SRGAP2C: variants seen among roughly 807,000 people sequenced by gnomAD.
The protein encoded by SRGAP2C is SLIT-ROBO Rho GTPase-activating protein 2C.
SRGAP2C carries 15 observed loss-of-function variants against 25.1 expected under a neutral mutation model. The observed-to-expected ratio is 0.60, with a 90% CI of 0.40 to 0.92. The LOEUF (loss-of-function observed/expected upper bound fraction) is 0.92. Among genes scored for constraint, SRGAP2C ranks in the 40% least tolerant of loss-of-function variants. The pLI is 0.00. For missense variants in SRGAP2C, 144 were observed against 264.4 expected (o/e 0.54, Z 3.16); for synonymous variants, 44 against 96.6 (o/e 0.46, Z 3.19).
chr1:121,208,031 C>T (rs1220050876), intron 2 of SRGAP2C, among the ~76,000 whole-genome samples: 1 of 151,280 alleles, frequency 6.6e-6, no homozygotes, highest in East Asian at 1.9e-4. Context: ...CTCTCCTGGC[C>T]TCAAGCCTCT....
At chr1:121,379,073 A>G (rs587604991) in intron 7 of SRGAP2C, among the ~76,000 whole-genome samples, 17 of 152,354 alleles carry the variant, frequency 1.1e-4, no homozygotes, top group Admixed American at 2.6e-4. Context: ...GTCCTCATGC[A>G]TAGCTGGAGT....
At chr1:121,346,998 C>CG (rs1658762302) in intron 4 of SRGAP2C, among the ~76,000 whole-genome samples, 1 of 151,906 alleles carries the variant, frequency 6.6e-6, no homozygotes, top group Non-Finnish European at 1.5e-5. Context: ...AACTCAGGGC[C>CG]GGGGTAGGGG....
At chr1:121,304,087 T>TGTG (rs1657764625) in intron 3 of SRGAP2C, among the ~76,000 whole-genome samples, 2 of 151,278 alleles carry the variant, frequency 1.3e-5, no homozygotes, top group East Asian at 3.9e-4. Context: ...GGCAGGCACA[T>TGTG]GTGGTCCCAG....
intron 3 of SRGAP2C, chr1:121,315,184 C>A: frequency 2.5e-6 from 1 of 396,496 alleles, no homozygotes; most frequent in Non-Finnish European, 4.8e-6. Flanking sequence ...CCTATGTTAC[C>A]CAGGCTGGTC....
At chr1:121,345,715 G>A (rs1458904444) in intron 4 of SRGAP2C, among the ~76,000 whole-genome samples, 10 of 141,254 alleles carry the variant, frequency 7.1e-5, no homozygotes, top group South Asian at 2.3e-4. Flanking sequence ...TGCAGTGCGC[G>A]ATCTTGACTC....
intron 2 of SRGAP2C, among the ~76,000 whole-genome samples, chr1:121,254,855 C>A (rs1553332096): frequency 1.3e-5 from 2 of 151,722 alleles, no homozygotes; most frequent in Admixed American, 1.3e-4. Flanking sequence ...TCTTTCCTCC[C>A]TAGGCCTGGT....
chr1:121,227,843 T>C (rs1220591448), intron 2 of SRGAP2C, among the ~76,000 whole-genome samples: 14 of 150,886 alleles, frequency 9.3e-5, no homozygotes, highest in African/African-American at 2.5e-5. Flanking sequence ...CCAAGTGATA[T>C]ATCTGAGCTG....
At chr1:121,379,147 A>G (rs1218611261) in intron 7 of SRGAP2C, among the ~76,000 whole-genome samples, 1 of 152,224 alleles carries the variant, frequency 6.6e-6, no homozygotes, top group Non-Finnish European at 1.5e-5. Context: ...GTCGGACATG[A>G]GGGAACTTGG....
intron 7 of SRGAP2C, among the ~76,000 whole-genome samples, chr1:121,378,551 GTCTT>G (rs1659729187): frequency 6.6e-6 from 1 of 150,426 alleles, no homozygotes; most frequent in Non-Finnish European, 1.5e-5. Context: ...TATCGGTAGT[GTCTT>G]TCTTTTTCTT....
intron 4 of SRGAP2C, among the ~76,000 whole-genome samples, chr1:121,335,821 TG>T (rs1366255091): frequency 6.6e-6 from 1 of 151,210 alleles, no homozygotes; most frequent in Non-Finnish European, 1.5e-5. Context: ...ATTTTCCTCT[TG>T]ACTTTTTTTT....
intron 2 of SRGAP2C, among the ~76,000 whole-genome samples, chr1:121,208,734 A>T (rs1455942338): frequency 2.0e-5 from 3 of 151,958 alleles, no homozygotes; most frequent in Admixed American, 6.6e-5. Flanking sequence ...GTTTTCTAGC[A>T]TCTAGCAGAG....
chr1:121,303,375 T>C lies in SRGAP2C; in HGVS notation c.260+18380T>C, dbSNP rs1305171972. 2.0e-5 allele frequency among the ~76,000 whole-genome samples: 3 copies of C among 148,616 alleles called. No homozygotes were observed. The East Asian group carries it at 6.0e-4, about 30-fold the overall frequency. On this transcript the variant is annotated intron_variant, in intron 3 of 9. Transcript: ENST00000367123. ...TTATTTTAATGTTCATATTGTTCTA[T>C]ATTTGGCCAATGGAGTCCCTTCAAG... is the stretch of plus-strand genomic sequence containing the variant.
chr1:121,267,265 C>T (rs1183381159), intron 2 of SRGAP2C, among the ~76,000 whole-genome samples: 5 of 150,414 alleles, frequency 3.3e-5, no homozygotes, highest in Non-Finnish European at 7.4e-5. Context: ...GTGATCTCGG[C>T]TCAGTGCAAT....
At chr1:121,309,659 T>A (rs1405800659) in intron 3 of SRGAP2C, among the ~76,000 whole-genome samples, 1 of 140,966 alleles carries the variant, frequency 7.1e-6, no homozygotes, top group African/African-American at 2.7e-5. Flanking sequence ...CACCTATGAG[T>A]GAGAATATGC....
intron 2 of SRGAP2C, among the ~76,000 whole-genome samples, chr1:121,230,784 C>A (rs1275956606): frequency 6.6e-6 from 1 of 151,920 alleles, no homozygotes; most frequent in African/African-American, 2.4e-5. Context: ...TGGAACCAAC[C>A]CAAATGCCCA....
At chr1:121,230,912 A>T (rs1436914778) in intron 2 of SRGAP2C, among the ~76,000 whole-genome samples, 2 of 149,538 alleles carry the variant, frequency 1.3e-5, no homozygotes, top group Non-Finnish European at 3.0e-5. Context: ...GGAAACCATT[A>T]TTCTCAGCAA....
rs1383104718 is a variant in SRGAP2C at position 121,337,698 on chromosome 1, A to C, written c.423+13058A>C. On this transcript the variant is annotated intron_variant, in intron 4 of 9. Transcript: ENST00000367123. Reference sequence around the variant, plus strand: ...TCTCTGAGAAAAGGAGAGGATTGTTAATACAGCTCATCAGGCACCATGCAA... The same window carrying C: ...TCTCTGAGAAAAGGAGAGGATTGTTCATACAGCTCATCAGGCACCATGCAA... 1.2e-4 allele frequency among the ~76,000 whole-genome samples: 18 copies of C among 146,274 alleles called. No individual in the cohort carries two copies. In the East Asian group the frequency reaches 1.8e-3, roughly 15 times the overall value.
chr1:121,362,758 G>T (rs1303465156), intron 4 of SRGAP2C: 1 of 146,100 alleles, frequency 6.8e-6, no homozygotes, highest in Non-Finnish European at 1.5e-5. Flanking sequence ...TCACCTCCTT[G>T]GGCCTCTGTT....
intron 2 of SRGAP2C, among the ~76,000 whole-genome samples, chr1:121,211,161 A>G (rs1372961173): frequency 6.6e-6 from 1 of 151,220 alleles, no homozygotes; most frequent in Non-Finnish European, 1.5e-5. Flanking sequence ...CTCTCTTTTT[A>G]TGCAACACTT....
Sources: gnomAD v4.1 joint callset for allele counts (sites outside exome capture counted in the v4.1 genomes callset) on GRCh38, gnomAD v4.1.1 for gene constraint, MANE v1.5 for transcripts, NCBI Gene and HGNC (gene_info 2026-07-23, HGNC 2026-07-21) for gene names.